The following COL14A1 variants were observed in gnomAD, a reference collection of about 807,000 sequenced individuals.
COL14A1 encodes the protein collagen alpha-1(XIV) chain.
A neutral mutation model predicts 230.3 loss-of-function variants in COL14A1; 136 were observed. The observed-to-expected ratio is 0.59, with a 90% CI of 0.51 to 0.68. The LOEUF (loss-of-function observed/expected upper bound fraction) is 0.68, where lower values mean the gene tolerates loss of function less well. Among genes scored for constraint, COL14A1 ranks in the 30% least tolerant of loss-of-function variants. The pLI, the probability that COL14A1 is intolerant of heterozygous loss-of-function variation, is 0.00. For missense variants in COL14A1, 1,976 were observed against 2,215.8 expected (o/e 0.89, Z 2.17); for synonymous variants, 792 against 784.1 (o/e 1.01, Z -0.17).
In COL14A1 at chr8:120,216,556, C is replaced by A. The variant is rs1019931956; in HGVS notation, c.1737+66C>A. 3.5e-5 allele frequency: 52 copies of A among 1,466,554 alleles called. No homozygotes were observed. In the East Asian group the frequency reaches 1.0e-3, roughly 29 times the overall value. The allele number at this position is 1,466,554 out of a possible 1,614,324, so 90.8% of individuals were successfully genotyped here. A position where few individuals can be genotyped will look rare whatever the true frequency, so the allele number is the denominator to read the frequency against. Reference sequence around the variant, plus strand: ...GTGCTAGTTATTTATGGCTACATAACCAATCATCTCAAAGCCTAGTGGCTT... The same window carrying A: ...GTGCTAGTTATTTATGGCTACATAAACAATCATCTCAAAGCCTAGTGGCTT... On this transcript the variant is annotated intron_variant, in intron 14 of 47. Coordinates refer to ENST00000297848, the MANE Select transcript of COL14A1 (RefSeq NM_021110.4).
intron 8 of COL14A1, among the ~76,000 whole-genome samples, chr8:120,202,594 G>T (rs1209308914): frequency 6.6e-6 from 1 of 151,960 alleles, no homozygotes; most frequent in Non-Finnish European, 1.5e-5. Flanking sequence ...TAACATTGTT[G>T]GTAAATGTTT....
chr8:120,153,513 T>C (rs1043085997), intron 2 of COL14A1, among the ~76,000 whole-genome samples: 2 of 152,220 alleles, frequency 1.3e-5, no homozygotes, highest in Non-Finnish European at 2.9e-5. Flanking sequence ...TTTTTGTTTT[T>C]AGATTACTTG....
chr8:120,372,248 A>T lies in COL14A1; in HGVS notation c.*1017A>T, dbSNP rs1432044494. On this transcript the variant is annotated 3_prime_UTR_variant, in exon 48 of 48. Transcript: ENST00000297848. The stretch of plus-strand genomic sequence containing the variant: ...GGGACTAAGAGATTAGCGACATTTT[A>T]TTGTTCATTTATAATCTAGCAGGCA... Among the ~76,000 whole-genome samples the T allele has an allele frequency of 1.3e-5, 2 of 152,132 alleles. No individual in the cohort carries two copies. Among genetic ancestry groups the T allele is most frequent in the African/African-American group, 4.8e-5 (2 of 41,430 alleles).
At chr8:120,183,612 C>A (rs1027690253) in intron 5 of COL14A1, among the ~76,000 whole-genome samples, 4 of 152,076 alleles carry the variant, frequency 2.6e-5, no homozygotes, top group Non-Finnish European at 1.5e-5. Flanking sequence ...CAGTTTAGAG[C>A]AGAGGAGAAA....
intron 42 of COL14A1, among the ~76,000 whole-genome samples, chr8:120,336,650 G>T (rs886862621): frequency 6.6e-6 from 1 of 152,168 alleles, no homozygotes; most frequent in African/African-American, 2.4e-5. Flanking sequence ...AAGGAGCCCA[G>T]TTGTTCAGCA....
intron 14 of COL14A1, among the ~76,000 whole-genome samples, 187 bp downstream of exon 14, chr8:120,216,677 C>G (rs1278766228): frequency 1.3e-5 from 2 of 152,076 alleles, no homozygotes; most frequent in Non-Finnish European, 2.9e-5. Context: ...AGGGGTGCTC[C>G]CCAGTGAGGT....
At chr8:120,313,834 A>C in intron 37 of COL14A1, 98 bp from the exon 38 acceptor site, 1 of 748,568 alleles carries the variant, frequency 1.3e-6, no homozygotes, top group East Asian at 2.7e-5. Flanking sequence ...GAAAAACTAT[A>C]TAAGAAAACA....
chr8:120,193,114 T>G (rs957256336), intron 5 of COL14A1, among the ~76,000 whole-genome samples: 2 of 152,202 alleles, frequency 1.3e-5, no homozygotes, highest in African/African-American at 2.4e-5. Flanking sequence ...TGGAGGAGGA[T>G]AGGCGCTCTG....
At chr8:120,278,748 T>C (rs1253279149) in intron 28 of COL14A1, among the ~76,000 whole-genome samples, 170 bp downstream of exon 28, 1 of 152,184 alleles carries the variant, frequency 6.6e-6, no homozygotes, top group Non-Finnish European at 1.5e-5. Context: ...TCTGTAATTG[T>C]ACTGCTTTGT....
At chr8:120,348,655 C>T (rs1586887295) in intron 45 of COL14A1, among the ~76,000 whole-genome samples, 1 of 152,142 alleles carries the variant, frequency 6.6e-6, no homozygotes, top group South Asian at 2.1e-4. Context: ...CAAACACCAC[C>T]TGTTCCCCAA....
chr8:120,126,187 C>T (rs923032820), intron 1 of COL14A1, among the ~76,000 whole-genome samples: 27 of 152,346 alleles, frequency 1.8e-4, no homozygotes, highest in African/African-American at 6.5e-4. Flanking sequence ...GATAGGCATC[C>T]GGGGCAGCTG....
intron 14 of COL14A1, among the ~76,000 whole-genome samples, chr8:120,221,646 C>T (rs974062756): frequency 3.3e-5 from 5 of 151,948 alleles, no homozygotes; most frequent in Admixed American, 2.6e-4. Flanking sequence ...TAGATTTTAA[C>T]TGCTTTTGTG....
intron 43 of COL14A1, 79 bp downstream of exon 43, chr8:120,341,439 A>G: frequency 1.4e-6 from 2 of 1,405,482 alleles, no homozygotes; most frequent in Non-Finnish European, 1.0e-6. Context: ...AAGGATCATC[A>G]TTTAATACCA....
chr8:120,159,363 G>T (rs892059954), intron 3 of COL14A1, among the ~76,000 whole-genome samples: 1 of 152,122 alleles, frequency 6.6e-6, no homozygotes. Context: ...TTGTCATAAA[G>T]ATGCTCTCAG....
intron 9 of COL14A1, among the ~76,000 whole-genome samples, chr8:120,204,269 G>C (rs1396485693): frequency 1.3e-5 from 2 of 152,142 alleles, no homozygotes; most frequent in Admixed American, 1.3e-4. Flanking sequence ...ACACAGGCAA[G>C]ACACAGCACA....
At chr8:120,240,862 G>A (rs1818588608) in intron 19 of COL14A1, among the ~76,000 whole-genome samples, 1 of 152,068 alleles carries the variant, frequency 6.6e-6, no homozygotes, top group Non-Finnish European at 1.5e-5. Context: ...TGAATTCTTA[G>A]AAATAAAACT....
At chr8:120,370,318 A>G in intron 47 of COL14A1, 1 of 1,608,200 alleles carries the variant, frequency 6.2e-7, no homozygotes, top group Non-Finnish European at 8.5e-7. Flanking sequence ...TCTCTCAAAT[A>G]CTCCTATCCT....
chr8:120,148,196 G>A (rs1211121299), intron 2 of COL14A1, among the ~76,000 whole-genome samples: 3 of 134,404 alleles, frequency 2.2e-5, no homozygotes, highest in Admixed American at 8.0e-5. Context: ...GCCCAGGTAT[G>A]ATCTTGGCTC....
Position 120,371,131 on chromosome 8 carries a change from A to G in COL14A1, c.5312-21A>G, listed in dbSNP as rs753999281. ...TGATTCCTGGGTGCAGCAAGTCCCC[A>G]CCCCCACTTTTCCTCTTTAGCTCCC... On this transcript the variant is annotated intron_variant, in intron 47 of 47. Transcript: ENST00000297848. 5 of 1,582,030 alleles carry G rather than the reference A, an allele frequency of 3.2e-6. No individual in the cohort carries two copies. In the South Asian group the frequency reaches 4.6e-5, roughly 15 times the overall value.
Sources: allele counts gnomAD v4.1 joint callset (sites outside exome capture counted in the v4.1 genomes callset), GRCh38; gene constraint gnomAD v4.1.1; transcripts MANE v1.5; gene names NCBI Gene and HGNC (gene_info 2026-07-23, HGNC 2026-07-21).